Variants in FER1L5 observed in about 807,000 individuals in gnomAD.
FER1L5 encodes fer-1 like family member 5.
A neutral mutation model predicts 279.9 loss-of-function variants in FER1L5; 187 were observed. The observed-to-expected ratio is 0.67, with a 90% CI of 0.59 to 0.75. The LOEUF (loss-of-function observed/expected upper bound fraction) is 0.75. Among genes scored for constraint, FER1L5 ranks in the 30% least tolerant of loss-of-function variants. The pLI is 0.00. For synonymous variants in FER1L5, 921 were observed against 989.7 expected (o/e 0.93, Z 1.30); for missense variants, 2,091 against 2,594.4 (o/e 0.81, Z 4.21).
intron 19 of FER1L5, among the ~76,000 whole-genome samples, chr2:96,683,768 G>A (rs995526807): frequency 6.6e-6 from 1 of 152,220 alleles, no homozygotes; most frequent in Admixed American, 6.5e-5. Context: ...CATGTTAAAT[G>A]TTCGTTTTCT....
At chr2:96,668,110 G>A (rs1371589310) in intron 14 of FER1L5, among the ~76,000 whole-genome samples, 1 of 152,108 alleles carries the variant, frequency 6.6e-6, no homozygotes, top group African/African-American at 2.4e-5. Flanking sequence ...CCCCCAAAGT[G>A]CTGGGATTAC....
At chr2:96,665,110 C>CT (rs1471828336) in intron 14 of FER1L5, among the ~76,000 whole-genome samples, 1 of 152,168 alleles carries the variant, frequency 6.6e-6, no homozygotes, top group Non-Finnish European at 1.5e-5. Flanking sequence ...CCTTTTGACT[C>CT]TAAGTCAGGC....
intron 21 of FER1L5, 151 bp from the exon 22 acceptor site, chr2:96,685,789 A>G: frequency 1.1e-6 from 1 of 943,404 alleles, no homozygotes; most frequent in Non-Finnish European, 1.6e-6. Context: ...CTTCCTATGG[A>G]GCAGTGGGAA....
Position 96,702,821 on chromosome 2 carries a change from A to G in FER1L5, c.5397+80A>G, listed in dbSNP as rs2077639650. On this transcript the variant is annotated intron_variant, in intron 48 of 52. Coordinates refer to ENST00000624922, the MANE Select transcript of FER1L5 (RefSeq NM_001293083.2). This position sits in a 1 kb window ranked among gnomAD's most constrained non-coding sequence, Gnocchi z 4.0. ...CTGGAGCTCCTCCCCCCACCCCTCCAGAGGCTTGCAATCTGTCCCAGAACA... is the reference window on the plus strand; with the variant it reads ...CTGGAGCTCCTCCCCCCACCCCTCCGGAGGCTTGCAATCTGTCCCAGAACA... 1 of 1,570,680 alleles carries G rather than the reference A, an allele frequency of 6.4e-7. No individual in the cohort carries two copies. The highest frequency in any genetic ancestry group is 1.4e-5 in the African/African-American group (1 of 73,774).
chr2:96,652,699 C>G (rs921590164), intron 7 of FER1L5: 1 of 153,544 alleles, frequency 6.5e-6, no homozygotes, highest in Admixed American at 6.5e-5. Flanking sequence ...GGCTGGGGTC[C>G]CATCCTGGAC....
chr2:96,688,047 G>C, intron 24 of FER1L5, 100 bp downstream of exon 24: 2 of 1,463,824 alleles, frequency 1.4e-6, no homozygotes, highest in Non-Finnish European at 9.3e-7. Context: ...GGGATTTGGC[G>C]TGAGAAGGGA....
At chr2:96,663,052 G>C (rs1573833836) in intron 13 of FER1L5, among the ~76,000 whole-genome samples, 1 of 152,164 alleles carries the variant, frequency 6.6e-6, no homozygotes, top group Non-Finnish European at 1.5e-5. Flanking sequence ...CTCAACTGAC[G>C]GTTTTAAAAC....
At chr2:96,659,290 T>TTCC (rs1553449027) in intron 9 of FER1L5, among the ~76,000 whole-genome samples, 847 of 81,038 alleles carry the variant, frequency 0.01, 80 homozygotes, top group African/African-American at 0.029. Context: ...TTTATCAAGC[T>TTCC]TTCCTTCCTT....
At chr2:96,651,773 C>G in intron 6 of FER1L5, 119 bp from the exon 7 acceptor site, 1 of 1,417,266 alleles carries the variant, frequency 7.1e-7, no homozygotes, top group Non-Finnish European at 9.6e-7. Context: ...TCCCAAAGTG[C>G]TGGGATTACA....
intron 19 of FER1L5, among the ~76,000 whole-genome samples, chr2:96,674,650 A>T (rs915738848): frequency 1.9e-4 from 29 of 152,024 alleles, no homozygotes; most frequent in South Asian, 4.2e-4. Context: ...TGAAATATTT[A>T]AAAAAAAGCA....
Position 96,700,333 on chromosome 2 carries a change from G to A in FER1L5, c.4932G>A (p.Glu1644=). 1 of 1,612,822 alleles carries A rather than the reference G, an allele frequency of 6.2e-7. No homozygotes were observed. The highest frequency in any genetic ancestry group is 8.5e-7 in the Non-Finnish European group (1 of 1,179,878). ...NGKKFKLQSF[E]PKTPTVHGLG... ...TCCTTCCATCCCCCTCCAATCCAGA[G>A]CCCAAAACCCCTACTGTTCATGGTT... The change falls in exon 45 of 53, where the codon GAG becomes GAA. Residue 1644 remains glutamate, a splice_region_variant and synonymous_variant. Transcript: ENST00000624922.
chr2:96,649,521 C>A (rs2075278807), intron 4 of FER1L5, 102 bp from the exon 5 acceptor site: 3 of 1,093,970 alleles, frequency 2.7e-6, no homozygotes, highest in Non-Finnish European at 4.0e-6. Context: ...CGGCCCCCAC[C>A]AGGAGGACCA....
chr2:96,694,414 T>C lies in FER1L5; in HGVS notation c.3691T>C (p.Tyr1231His), dbSNP rs1468484002. 2.6e-6 allele frequency: 4 copies of C among 1,550,704 alleles called. No homozygotes were observed. The highest frequency in any genetic ancestry group is 3.5e-6 in the Non-Finnish European group (4 of 1,146,536). ...AAGCGTTCCCTGGAAGAATGGGGCA[T>C]ACACACTCCCCAAGAGCATCCAGCC... ...ILSVPWKNGA[Y>H]TLPKSIQPTI... The change falls in exon 34 of 53, where the codon TAC becomes CAC. Residue 1231 changes from tyrosine to histidine, a missense_variant. Physicochemically the swap from Tyr to His is moderately conservative, Grantham distance 83. Transcript: ENST00000624922. The surrounding 1 kb of genome is among the most constrained non-coding windows in gnomAD (Gnocchi z 4.6).
At chr2:96,676,793 G>C (rs2076525489) in intron 19 of FER1L5, among the ~76,000 whole-genome samples, 2 of 152,040 alleles carry the variant, frequency 1.3e-5, no homozygotes, top group African/African-American at 4.8e-5. Context: ...TTTATTATAT[G>C]TAATATACCA....
chr2:96,659,501 CTTTCTTTCGA>C (rs2075858050), intron 9 of FER1L5, among the ~76,000 whole-genome samples: 4 of 47,806 alleles, frequency 8.4e-5, no homozygotes, highest in South Asian at 1.3e-3. Context: ...TTCTTTCTTT[CTTTCTTTCGA>C]GACAGAGTCT....
At chr2:96,667,077 G>T (rs957144339) in intron 14 of FER1L5, among the ~76,000 whole-genome samples, 1 of 152,152 alleles carries the variant, frequency 6.6e-6, no homozygotes, top group African/African-American at 2.4e-5. Context: ...AAGTCCCTCT[G>T]CCTCTCTAGG....
chr2:96,695,909 G>C lies in FER1L5; in HGVS notation c.4057+5G>C, dbSNP rs763273392. On this transcript the variant is annotated splice_donor_5th_base_variant and intron_variant, in intron 36 of 52. Coordinates refer to ENST00000624922, the MANE Select transcript of FER1L5 (RefSeq NM_001293083.2). ...ATATGCACCCAAAGCTTCCAAGTAC[G>C]GCCCTTCCTCCGTGCCTTTCCCCAG... is the stretch of plus-strand genomic sequence containing the variant. 10 of 1,612,996 alleles carry C rather than the reference G, an allele frequency of 6.2e-6. No individual in the cohort carries two copies. Among genetic ancestry groups the C allele is most frequent in the Non-Finnish European group, 8.5e-6 (10 of 1,179,624 alleles).
intron 9 of FER1L5, among the ~76,000 whole-genome samples, chr2:96,659,190 C>T (rs1470566465): frequency 1.3e-5 from 2 of 152,020 alleles, no homozygotes; most frequent in African/African-American, 4.8e-5. Flanking sequence ...GCCTCAGCCT[C>T]CCAAAGTGCT....
chr2:96,653,619 C>A, intron 7 of FER1L5, 21 bp from the exon 8 acceptor site: 1 of 1,544,662 alleles, frequency 6.5e-7, no homozygotes, highest in Non-Finnish European at 8.8e-7. Flanking sequence ...ATCCACTCTA[C>A]CCCAATTCTC....
Sources: gnomAD v4.1 joint callset for allele counts (sites outside exome capture counted in the v4.1 genomes callset) on GRCh38, gnomAD v4.1.1 for gene constraint, Gnocchi (gnomAD v3.1) non-coding constraint, MANE v1.5 for transcripts, NCBI Gene and HGNC (gene_info 2026-07-23, HGNC 2026-07-21) for gene names.